Variants in KCNJ6 observed in about 807,000 individuals in gnomAD.
The protein encoded by KCNJ6 is G protein-activated inward rectifier potassium channel 2.
KCNJ6 carries 9 observed loss-of-function variants against 34.2 expected under a neutral mutation model. That is an observed-to-expected ratio of 0.26 (90% confidence interval 0.16 to 0.46). The LOEUF (loss-of-function observed/expected upper bound fraction) is 0.46. Ranked by LOEUF, KCNJ6 falls within the 20% of genes least tolerant of loss-of-function variation. The probability of loss-of-function intolerance (pLI) is 1.00; values close to 1 mark genes in which losing one functional copy is unlikely to be tolerated. For missense variants in KCNJ6, 236 were observed against 531.3 expected (o/e 0.44, Z 5.46); for synonymous variants, 196 against 207.1 (o/e 0.95, Z 0.46).
rs940498600 is a variant in KCNJ6, at chr21:37,853,861, T to TATATATATATATATATATAA, written c.-27-13153_-27-13152insTTATATATATATATATATAT. Among the ~76,000 whole-genome samples the TATATATATATATATATATAA allele has an allele frequency of 9.5e-5, 14 of 146,726 alleles. No homozygotes were observed. The South Asian group carries it at 1.3e-3, about 13-fold the overall frequency. ...ATATATATATGTATATATATATATA[T>TATATATATATATATATATAA]AAATTACATTGTGTATATATACATA... is the stretch of plus-strand genomic sequence containing the variant. On this transcript the variant is annotated intron_variant, in intron 1 of 3. Coordinates refer to ENST00000609713, the MANE Select transcript of KCNJ6 (RefSeq NM_002240.5).
intron 2 of KCNJ6, among the ~76,000 whole-genome samples, chr21:37,837,619 G>T (rs1218459987): frequency 6.6e-6 from 1 of 152,134 alleles, no homozygotes; most frequent in African/African-American, 2.4e-5. Flanking sequence ...CTAGTAACCA[G>T]ATGGTTTTTG....
In KCNJ6 at chr21:37,660,675, C is replaced by T. The variant is rs555491651; in HGVS notation, c.947-35191G>A. 5.3e-4 allele frequency among the ~76,000 whole-genome samples: 80 copies of T among 152,298 alleles called. 1 individual carries two copies. Among genetic ancestry groups the T allele is most frequent in the African/African-American group, 1.8e-3 (75 of 41,562 alleles). On this transcript the variant is annotated intron_variant, in intron 3 of 3. Coordinates refer to ENST00000609713, the MANE Select transcript of KCNJ6 (RefSeq NM_002240.5). ...GAAATAATTTGGGATGGGGAGAAGG[C>T]GTGCTGGGACTCTCCATGAGGTTCA...
intron 2 of KCNJ6, among the ~76,000 whole-genome samples, chr21:37,737,539 G>C (rs1280232852): frequency 6.6e-6 from 1 of 152,170 alleles, no homozygotes; most frequent in Non-Finnish European, 1.5e-5. Flanking sequence ...GATATCTTTA[G>C]GCAGCTCTGA....
intron 3 of KCNJ6, among the ~76,000 whole-genome samples, chr21:37,704,835 CT>C (rs58315508): frequency 3.3e-5 from 5 of 150,312 alleles, no homozygotes; most frequent in African/African-American, 4.9e-5. Context: ...CAATGTTAAA[CT>C]TTTTTTTTTC....
chr21:37,908,574 T>C (rs1182830172), intron 1 of KCNJ6, among the ~76,000 whole-genome samples: 2 of 152,222 alleles, frequency 1.3e-5, no homozygotes, highest in Non-Finnish European at 2.9e-5. Flanking sequence ...GATTAGAACA[T>C]TGCTTTTGAG....
chr21:37,773,454 G>A (rs2055127347), intron 2 of KCNJ6, among the ~76,000 whole-genome samples: 1 of 152,110 alleles, frequency 6.6e-6, no homozygotes, highest in South Asian at 2.1e-4. Flanking sequence ...TATGAGTAGG[G>A]AGCAGAGGGA....
rs562150254 is a variant in KCNJ6, at chr21:37,611,091, GCTAA to G, written c.*14064_*14067del. 1.2e-4 allele frequency: 19 copies of G among 152,214 alleles called. No homozygotes were observed. The highest frequency in any genetic ancestry group is 4.6e-4 in the African/African-American group (19 of 41,544). The allele number at this position is 152,214 out of a possible 1,614,324, so 9.4% of individuals were successfully genotyped here. On this transcript the variant is annotated 3_prime_UTR_variant, in exon 4 of 4. Coordinates refer to ENST00000609713, the MANE Select transcript of KCNJ6 (RefSeq NM_002240.5). ...ATAAGCTCCATAAGTCTCAAGGCAT[GCTAA>G]CTAAGAAAAAAAGAGAAAGAACACA...
chr21:37,760,073 T>G (rs530944357), intron 2 of KCNJ6, among the ~76,000 whole-genome samples: 2 of 152,176 alleles, frequency 1.3e-5, no homozygotes, highest in Non-Finnish European at 2.9e-5. Context: ...GCTTTAGAAG[T>G]TGACTCAGCC....
intron 3 of KCNJ6, among the ~76,000 whole-genome samples, chr21:37,659,671 A>G (rs1050659535): frequency 5.9e-5 from 9 of 152,122 alleles, no homozygotes; most frequent in African/African-American, 1.9e-4. Context: ...TATAGCCTCA[A>G]TTTCCCCATC....
intron 2 of KCNJ6, among the ~76,000 whole-genome samples, chr21:37,718,084 T>C (rs1193810263): frequency 6.6e-6 from 1 of 152,212 alleles, no homozygotes; most frequent in Admixed American, 6.5e-5. Flanking sequence ...TTTCTCATCC[T>C]CTTTGCATTG....
chr21:37,763,057 G>A (rs908651633), intron 2 of KCNJ6, among the ~76,000 whole-genome samples: 4 of 152,154 alleles, frequency 2.6e-5, no homozygotes, highest in African/African-American at 7.2e-5. Flanking sequence ...CCGGGCTCCC[G>A]AGAAATCCAG....
At chr21:37,828,317 C>T (rs1033726823) in intron 2 of KCNJ6, among the ~76,000 whole-genome samples, 8 of 152,146 alleles carry the variant, frequency 5.3e-5, no homozygotes, top group South Asian at 2.1e-4. Flanking sequence ...GGGAAGCCAT[C>T]GAGGAGGTGG....
intron 1 of KCNJ6, among the ~76,000 whole-genome samples, chr21:37,857,568 T>C (rs995114675): frequency 2.0e-5 from 3 of 152,210 alleles, no homozygotes; most frequent in African/African-American, 7.2e-5. Context: ...CAACCTTTGT[T>C]AGCTGTGTGA....
At chr21:37,676,510 G>T (rs2054565436) in intron 3 of KCNJ6, among the ~76,000 whole-genome samples, 2 of 152,248 alleles carry the variant, frequency 1.3e-5, no homozygotes, top group South Asian at 4.1e-4. Context: ...TGAGGCCTGT[G>T]GGTGGGCGTA....
chr21:37,839,121 T>G (rs1481495588), intron 2 of KCNJ6, among the ~76,000 whole-genome samples: 2 of 152,190 alleles, frequency 1.3e-5, no homozygotes, highest in Non-Finnish European at 2.9e-5. Context: ...AATTACCCAG[T>G]CTCGGGTAAT....
intron 2 of KCNJ6, among the ~76,000 whole-genome samples, chr21:37,748,916 A>G (rs1204654612): frequency 1.3e-5 from 2 of 152,164 alleles, no homozygotes; most frequent in South Asian, 2.1e-4. Context: ...GGCATTCCAG[A>G]GTGGTCTTTG....
At chr21:37,798,025 G>C (rs958024650) in intron 2 of KCNJ6, among the ~76,000 whole-genome samples, 26 of 152,156 alleles carry the variant, frequency 1.7e-4, no homozygotes, top group Non-Finnish European at 3.8e-4. Context: ...TAGTTGATAA[G>C]CTATAGCAAA....
chr21:37,866,746 ATG>A (rs1344491109), intron 1 of KCNJ6, among the ~76,000 whole-genome samples: 1 of 152,234 alleles, frequency 6.6e-6, no homozygotes, highest in Non-Finnish European at 1.5e-5. Context: ...CAAGAGGACC[ATG>A]TCTCTTGAGA....
chr21:37,812,850 G>A (rs113713721), intron 2 of KCNJ6, among the ~76,000 whole-genome samples: 13,350 of 152,164 alleles, frequency 0.088, 675 homozygotes, highest in Middle Eastern at 0.12. Context: ...TCTAAGATCC[G>A]GAACAAGACA....
Sources: gnomAD v4.1 joint callset for allele counts (sites outside exome capture counted in the v4.1 genomes callset) on GRCh38, gnomAD v4.1.1 for gene constraint, MANE v1.5 for transcripts, NCBI Gene and HGNC (gene_info 2026-07-23, HGNC 2026-07-21) for gene names.